PLXDC1: variants seen among roughly 807,000 people sequenced by gnomAD.
PLXDC1 encodes the protein plexin domain containing 1.
PLXDC1 carries 39 observed loss-of-function variants against 61.3 expected under a neutral mutation model. The ratio of observed to expected loss-of-function variants is 0.64; its 90% confidence interval spans 0.49 to 0.83. PLXDC1 has a LOEUF of 0.83. PLXDC1 is among the 40% of genes least tolerant of loss of function. The pLI is 0.00. For missense variants in PLXDC1, 596 were observed against 666.5 expected (o/e 0.89, Z 1.17); for synonymous variants, 212 against 254.5 (o/e 0.83, Z 1.59).
chr17:39,097,655 G>C (rs1910255243), intron 7 of PLXDC1, among the ~76,000 whole-genome samples: 1 of 151,906 alleles, frequency 6.6e-6, no homozygotes, highest in Admixed American at 6.6e-5. Flanking sequence ...GCCAAAGCCA[G>C]AGCATGGCTT....
At chr17:39,116,839 G>T (rs1390628932) in intron 2 of PLXDC1, among the ~76,000 whole-genome samples, 1 of 152,212 alleles carries the variant, frequency 6.6e-6, no homozygotes, top group Non-Finnish European at 1.5e-5. Flanking sequence ...AGCCACTGAG[G>T]CAGCATGCTT....
chr17:39,128,180 T>C (rs1911410800), intron 2 of PLXDC1, among the ~76,000 whole-genome samples: 1 of 137,286 alleles, frequency 7.3e-6, no homozygotes, highest in Admixed American at 7.5e-5. Flanking sequence ...TATGTATATA[T>C]ATATGTGTGT....
At chr17:39,076,002 T>C (rs1014820408) in intron 11 of PLXDC1, among the ~76,000 whole-genome samples, 1 of 143,238 alleles carries the variant, frequency 7.0e-6, no homozygotes, top group Non-Finnish European at 1.5e-5. Context: ...TGCTTGAACC[T>C]GGGAGGCAGA....
chr17:39,141,019 A>G (rs748237389), intron 1 of PLXDC1, among the ~76,000 whole-genome samples: 1 of 151,950 alleles, frequency 6.6e-6, no homozygotes, highest in Non-Finnish European at 1.5e-5. Context: ...ATAACTCCCT[A>G]TTCACCCCTG....
intron 10 of PLXDC1, 35 bp downstream of exon 10, chr17:39,079,069 G>A (rs373590035): frequency 3.1e-5 from 49 of 1,582,090 alleles, no homozygotes; most frequent in Admixed American, 3.0e-4. Context: ...CCACCACCTG[G>A]CACAGGAGTT....
chr17:39,138,779 A>C (rs1230478173), intron 2 of PLXDC1, among the ~76,000 whole-genome samples: 1 of 152,096 alleles, frequency 6.6e-6, no homozygotes, highest in Non-Finnish European at 1.5e-5. Context: ...ATTAAAATAT[A>C]AAATAAATCT....
intron 7 of PLXDC1, among the ~76,000 whole-genome samples, chr17:39,104,014 C>A (rs1479380243): frequency 6.6e-6 from 1 of 152,264 alleles, no homozygotes; most frequent in East Asian, 1.9e-4. Flanking sequence ...GGCATCTGAC[C>A]TGCGACACCA....
At chr17:39,146,662 G>C (rs951874241) in intron 1 of PLXDC1, among the ~76,000 whole-genome samples, 1 of 150,800 alleles carries the variant, frequency 6.6e-6, no homozygotes, top group East Asian at 2.0e-4. Context: ...AATAAAAAAA[G>C]GTATTATAAA....
At chr17:39,146,604 G>C (rs2045344075) in intron 1 of PLXDC1, among the ~76,000 whole-genome samples, 1 of 151,860 alleles carries the variant, frequency 6.6e-6, no homozygotes, top group South Asian at 2.1e-4. Context: ...CTGAGCCCAG[G>C]AGTTGGAGAT....
chr17:39,122,412 G>T (rs1911193922), intron 2 of PLXDC1, among the ~76,000 whole-genome samples: 2 of 151,148 alleles, frequency 1.3e-5, no homozygotes, highest in East Asian at 1.9e-4. Context: ...AAAGACTGGG[G>T]TGCCCTCTCT....
intron 2 of PLXDC1, among the ~76,000 whole-genome samples, chr17:39,132,222 G>C (rs976750421): frequency 6.6e-6 from 1 of 152,144 alleles, no homozygotes; most frequent in South Asian, 2.1e-4. Flanking sequence ...AATCCTCAAA[G>C]GAAGAGAACC....
intron 11 of PLXDC1, among the ~76,000 whole-genome samples, chr17:39,073,769 AGGT>A (rs1422591172): frequency 1.3e-5 from 2 of 152,238 alleles, no homozygotes; most frequent in African/African-American, 4.8e-5. Context: ...GTGGCTATCA[AGGT>A]GTTCTGTTCT....
chr17:39,152,503 T>C, upstream of PLXDC1: 1 of 1,228,628 alleles, frequency 8.1e-7, no homozygotes, highest in Non-Finnish European at 1.0e-6. Flanking sequence ...CGGCAAGGAA[T>C]CAGGTCAGGA....
At chr17:39,118,086 CTT>C (rs1911043206) in intron 2 of PLXDC1, among the ~76,000 whole-genome samples, 6 of 104,590 alleles carry the variant, frequency 5.7e-5, no homozygotes, top group African/African-American at 1.2e-4. Context: ...CCCTCCCTCC[CTT>C]CCTTCCTTCC....
At chr17:39,112,004 T>C (rs1402638363) in intron 2 of PLXDC1, 1 of 152,224 alleles carries the variant, frequency 6.6e-6, no homozygotes, top group Non-Finnish European at 1.5e-5. Flanking sequence ...GGAGAACTAA[T>C]GCTTCATGTT....
At chr17:39,099,150 G>A (rs767553514) in intron 7 of PLXDC1, among the ~76,000 whole-genome samples, 23 of 148,202 alleles carry the variant, frequency 1.6e-4, no homozygotes, top group Admixed American at 6.7e-4. Flanking sequence ...GACTCCAACC[G>A]CTCCCACCAC....
chr17:39,099,229 C>T (rs187489400), intron 7 of PLXDC1, among the ~76,000 whole-genome samples: 24 of 152,130 alleles, frequency 1.6e-4, no homozygotes, highest in African/African-American at 4.6e-4. Flanking sequence ...TGTGCTTCCC[C>T]GCCCCCTTCA....
intron 2 of PLXDC1, among the ~76,000 whole-genome samples, chr17:39,134,917 G>T (rs1282748950): frequency 6.6e-6 from 1 of 152,130 alleles, no homozygotes; most frequent in Non-Finnish European, 1.5e-5. Flanking sequence ...CCATCATGCA[G>T]CTGGCTTTCC....
rs1555570853 is a variant in PLXDC1 at position 39,088,963 on chromosome 17, A to AAAG, written c.812-1262_812-1261insCTT. On this transcript the variant is annotated intron_variant, in intron 7 of 13. Transcript: ENST00000315392. Reference sequence around the variant, plus strand: ...AGACTGAAAAAAAAAAAAAAAAAAAAAGAGAGAGAGAGAAAAAGAAAGAAA... The same window carrying AAAG: ...AGACTGAAAAAAAAAAAAAAAAAAAAAAGAGAGAGAGAGAGAAAAAGAAAGAAA... Among the ~76,000 whole-genome samples, 193 of 119,570 alleles carry AAAG rather than the reference A, an allele frequency of 1.6e-3. 8 individuals carry two copies. In the East Asian group the frequency reaches 0.041, roughly 25 times the overall value. 78.4% of individuals were successfully genotyped at this position (119,570 alleles called of 152,430 possible).
Sources: allele counts gnomAD v4.1 joint callset (sites outside exome capture counted in the v4.1 genomes callset), GRCh38; gene constraint gnomAD v4.1.1; transcripts MANE v1.5; gene names NCBI Gene and HGNC (gene_info 2026-07-23, HGNC 2026-07-21).